The following SSH2 variants were observed in gnomAD, a reference collection of about 807,000 sequenced individuals.
SSH2 encodes the protein protein phosphatase Slingshot homolog 2.
Under a neutral mutation model 135.2 loss-of-function variants are expected in SSH2, and 37 were observed. That is an observed-to-expected ratio of 0.27 (90% confidence interval 0.21 to 0.36). The LOEUF is 0.36. Ranked by LOEUF, SSH2 falls within the 10% of genes least tolerant of loss-of-function variation. SSH2 has a pLI of 1.00. For missense variants in SSH2, 1,408 were observed against 1,765.3 expected, an observed-to-expected ratio of 0.80 and a Z score of 3.63; for synonymous variants, 628 against 646.2, an observed-to-expected ratio of 0.97 and a Z score of 0.43.
intron 3 of SSH2, among the ~76,000 whole-genome samples, chr17:29,730,758 T>G (rs553091544): frequency 6.6e-6 from 1 of 152,122 alleles, no homozygotes; most frequent in Non-Finnish European, 1.5e-5. Flanking sequence ...TATTACACAT[T>G]GCATGCCTGT....
At chr17:29,752,377 A>T (rs1378686725) in intron 3 of SSH2, among the ~76,000 whole-genome samples, 1 of 152,204 alleles carries the variant, frequency 6.6e-6, no homozygotes, top group South Asian at 2.1e-4. Flanking sequence ...TACTCCAAGC[A>T]TCTGTAAGAA....
At chr17:29,643,037 C>G in intron 14 of SSH2, 1 of 775,464 alleles carries the variant, frequency 1.3e-6, no homozygotes, top group South Asian at 5.8e-5. Context: ...AACACTTGGA[C>G]AGGAAATGGA....
chr17:29,761,216 C>T (rs1169245617), intron 3 of SSH2: 1 of 1,288,392 alleles, frequency 7.8e-7, no homozygotes, highest in South Asian at 1.2e-5. Flanking sequence ...GTCGGGGCCA[C>T]CGAGGCTGCA....
At position 29,687,282 on chromosome 17, in the gene SSH2, C is replaced by A. The variant is rs374926023; in HGVS notation, c.358-2598G>T. 2.8e-4 allele frequency among the ~76,000 whole-genome samples: 43 copies of A among 152,276 alleles called. 1 individual carries two copies. In the South Asian group the frequency reaches 8.7e-3, roughly 31 times the overall value. On this transcript the variant is annotated intron_variant, in intron 5 of 15. Transcript: ENST00000540801. Reference sequence around the variant, plus strand: ...ATCTTTTTGTCTCTATTCTGATACTCCTAGGAAAAGCTAGGGAAGCACAAA... The same window carrying A: ...ATCTTTTTGTCTCTATTCTGATACTACTAGGAAAAGCTAGGGAAGCACAAA...
chr17:29,727,912 C>A (rs563817585), intron 3 of SSH2, among the ~76,000 whole-genome samples: 1 of 152,098 alleles, frequency 6.6e-6, no homozygotes, highest in Admixed American at 6.6e-5. Flanking sequence ...CAGGCGCGAT[C>A]GCTCACACCT....
intron 3 of SSH2, among the ~76,000 whole-genome samples, chr17:29,757,318 T>G (rs1467938065): frequency 6.6e-6 from 1 of 152,184 alleles, no homozygotes; most frequent in African/African-American, 2.4e-5. Flanking sequence ...ATTTATTTAC[T>G]CAACATTTTC....
intron 11 of SSH2, among the ~76,000 whole-genome samples, chr17:29,666,203 T>A (rs576277237): frequency 2.6e-5 from 4 of 151,882 alleles, no homozygotes; most frequent in African/African-American, 9.7e-5. Flanking sequence ...TAAAACCCCA[T>A]CTCCACAAAA....
intron 3 of SSH2, among the ~76,000 whole-genome samples, chr17:29,753,659 G>A (rs982808300): frequency 6.6e-6 from 1 of 151,802 alleles, no homozygotes; most frequent in South Asian, 2.1e-4. Flanking sequence ...AGCTGGGCGT[G>A]GTGGCGGGCA....
intron 3 of SSH2, among the ~76,000 whole-genome samples, chr17:29,708,462 T>C (rs59470062): frequency 6.6e-6 from 1 of 151,476 alleles, no homozygotes; most frequent in Non-Finnish European, 1.5e-5. Context: ...TGGTGGCGGG[T>C]GCCTGTAATC....
At chr17:29,727,291 C>T (rs978956863) in intron 3 of SSH2, among the ~76,000 whole-genome samples, 1 of 152,048 alleles carries the variant, frequency 6.6e-6, no homozygotes, top group African/African-American at 2.4e-5. Flanking sequence ...AAGCCAGCTT[C>T]GATCAAAAGA....
chr17:29,855,615 T>A (rs915545814), intron 1 of SSH2: 2 of 152,490 alleles, frequency 1.3e-5, no homozygotes, highest in African/African-American at 2.4e-5. Flanking sequence ...GGCCAAGACA[T>A]ACCCTGGCAC....
At position 29,810,930 on chromosome 17, in the gene SSH2, T is replaced by G. The variant is rs890745186; in HGVS notation, c.145-16993A>C. On this transcript the variant is annotated intron_variant, in intron 2 of 15. Transcript: ENST00000540801. Reference sequence around the variant, plus strand: ...TTCTTAAAACATTATGATTTTTTTTTGTAATTTTTTTTCTCAGCTCATCGG... The same window carrying G: ...TTCTTAAAACATTATGATTTTTTTTGGTAATTTTTTTTCTCAGCTCATCGG... Among the ~76,000 whole-genome samples the G allele has an allele frequency of 2.2e-4, 33 of 152,194 alleles. 1 individual carries two copies. The highest frequency in any genetic ancestry group is 2.9e-5 in the Non-Finnish European group (2 of 68,040).
At chr17:29,885,813 T>C (rs117494024) in intron 1 of SSH2, among the ~76,000 whole-genome samples, 8,433 of 152,268 alleles carry the variant, frequency 0.055, 351 homozygotes, top group Non-Finnish European at 0.087. Flanking sequence ...GGATTTCCCC[T>C]GCACATGGCT....
At chr17:29,675,409 G>A (rs2037664876) in intron 8 of SSH2, among the ~76,000 whole-genome samples, 1 of 152,096 alleles carries the variant, frequency 6.6e-6, no homozygotes, top group South Asian at 2.1e-4. Flanking sequence ...ATAGGAAACT[G>A]AAATTCAAAT....
At position 29,688,731 on chromosome 17, in the gene SSH2, A is replaced by G. The variant is rs149145453; in HGVS notation, c.358-4047T>C. 1.8e-4 allele frequency among the ~76,000 whole-genome samples: 27 copies of G among 152,336 alleles called. No homozygotes were observed. The East Asian group carries it at 5.2e-3, about 29-fold the overall frequency. ...AGAATAGCACTTAAGAGTTCCTGGA[A>G]TTTGATCACAGGCCTCTAGACAGTA... On this transcript the variant is annotated intron_variant, in intron 5 of 15. Coordinates refer to ENST00000540801, the MANE Select transcript of SSH2 (RefSeq NM_001282129.2).
At chr17:29,916,527 C>T (rs1487664789) in intron 1 of SSH2, among the ~76,000 whole-genome samples, 2 of 147,838 alleles carry the variant, frequency 1.4e-5, no homozygotes, top group African/African-American at 2.5e-5. Flanking sequence ...AGTGCAGTGG[C>T]GTGACTCACT....
intron 14 of SSH2, among the ~76,000 whole-genome samples, chr17:29,639,251 T>C (rs1346429330): frequency 3.3e-5 from 5 of 152,040 alleles, no homozygotes; most frequent in Non-Finnish European, 5.9e-5. Context: ...TCTTAAACAG[T>C]TCCCAAAACC....
chr17:29,903,036 A>T (rs1391792022), intron 1 of SSH2, among the ~76,000 whole-genome samples: 1 of 151,898 alleles, frequency 6.6e-6, no homozygotes, highest in African/African-American at 2.4e-5. Flanking sequence ...AAATACAAAA[A>T]TTAGCTGGGC....
At chr17:29,916,702 A>C (rs2066888399) in intron 1 of SSH2, among the ~76,000 whole-genome samples, 1 of 152,154 alleles carries the variant, frequency 6.6e-6, no homozygotes, top group Non-Finnish European at 1.5e-5. Flanking sequence ...CATAAGGTTT[A>C]TGTTAGGATA....
Sources: gnomAD v4.1 joint callset for allele counts (sites outside exome capture counted in the v4.1 genomes callset) on GRCh38, gnomAD v4.1.1 for gene constraint, MANE v1.5 for transcripts, NCBI Gene and HGNC (gene_info 2026-07-23, HGNC 2026-07-21) for gene names.